Variants in PKD1L1 observed in about 807,000 individuals in gnomAD.
PKD1L1 encodes the protein polycystin 1 like 1, transient receptor potential channel interacting, also known as polycystin-1-like protein 1.
A neutral mutation model predicts 323.4 loss-of-function variants in PKD1L1; 236 were observed. The observed-to-expected ratio is 0.73, with a 90% CI of 0.66 to 0.81. The LOEUF (loss-of-function observed/expected upper bound fraction) is 0.81. Ranked by LOEUF, PKD1L1 falls within the 40% of genes least tolerant of loss-of-function variation. The pLI is 0.00. For synonymous variants in PKD1L1, 1,344 were observed against 1,335.0 expected (o/e 1.01, Z -0.15); for missense variants, 3,320 against 3,508.0 (o/e 0.95, Z 1.35).
intron 21 of PKD1L1, among the ~76,000 whole-genome samples, chr7:47,879,656 A>G (rs113617779): frequency 0.27 from 28,483 of 105,406 alleles, 6,570 homozygotes; most frequent in African/African-American, 0.49. Context: ...AAAAAAGGCC[A>G]GGCACGGTGG....
At chr7:47,914,818 C>A (rs529691219) in intron 8 of PKD1L1, among the ~76,000 whole-genome samples, 1 of 151,814 alleles carries the variant, frequency 6.6e-6, no homozygotes, top group Non-Finnish European at 1.5e-5. Context: ...ATGAGGACCA[C>A]GGAAAAGGGT....
At chr7:47,927,982 C>A (rs764692535) in intron 7 of PKD1L1, among the ~76,000 whole-genome samples, 7 of 152,176 alleles carry the variant, frequency 4.6e-5, no homozygotes, top group Non-Finnish European at 1.0e-4. Context: ...ATGGACTACT[C>A]AGCAACCACA....
chr7:47,893,598 C>T (rs1405945165), intron 15 of PKD1L1, among the ~76,000 whole-genome samples: 1 of 152,168 alleles, frequency 6.6e-6, no homozygotes, highest in Non-Finnish European at 1.5e-5. Context: ...CCACACACCA[C>T]GGCATCTCAC....
At chr7:47,884,161 G>A (rs1176681541) in intron 19 of PKD1L1, among the ~76,000 whole-genome samples, 1 of 150,502 alleles carries the variant, frequency 6.6e-6, no homozygotes, top group Non-Finnish European at 1.5e-5. Flanking sequence ...GTGTGTGTGT[G>A]TGTGTTTTGG....
At chr7:47,914,935 G>A (rs1787397373) in intron 8 of PKD1L1, among the ~76,000 whole-genome samples, 1 of 152,182 alleles carries the variant, frequency 6.6e-6, no homozygotes, top group African/African-American at 2.4e-5. Flanking sequence ...CAGCCATGCT[G>A]CTCCTAACAC....
intron 6 of PKD1L1, among the ~76,000 whole-genome samples, chr7:47,930,748 G>A (rs1394267911): frequency 3.3e-5 from 5 of 152,072 alleles, no homozygotes; most frequent in African/African-American, 1.2e-4. Context: ...CCGGGAGGCG[G>A]AGGTTGCAGT....
chr7:47,800,082 C>T (rs1309032264), intron 54 of PKD1L1, among the ~76,000 whole-genome samples: 2 of 152,194 alleles, frequency 1.3e-5, no homozygotes, highest in Non-Finnish European at 2.9e-5. Context: ...TTTGCTAAAT[C>T]TGTTGACCCC....
chr7:47,918,695 G>A (rs149433378), intron 7 of PKD1L1, among the ~76,000 whole-genome samples: 103 of 152,092 alleles, frequency 6.8e-4, no homozygotes, highest in African/African-American at 2.3e-3. Context: ...GAATAAAACT[G>A]GAAATCAACT....
rs556211438 is a variant in PKD1L1, at chr7:47,920,304, A to C, written c.1061-4705T>G. On this transcript the variant is annotated intron_variant, in intron 7 of 56. Transcript: ENST00000289672. Reference sequence around the variant, plus strand: ...CAAAACAAACAAACAAAAACAAAAAAAAAAAACCACTTAGGAATATACCTA... The same window carrying C: ...CAAAACAAACAAACAAAAACAAAAACAAAAAACCACTTAGGAATATACCTA... Among the ~76,000 whole-genome samples the C allele has an allele frequency of 4.7e-4, 72 of 151,686 alleles. 1 individual carries two copies. The South Asian group carries it at 6.2e-3, about 13-fold the overall frequency.
At chr7:47,835,719 T>C (rs1785443691) in intron 37 of PKD1L1, among the ~76,000 whole-genome samples, 1 of 152,098 alleles carries the variant, frequency 6.6e-6, no homozygotes, top group African/African-American at 2.4e-5. Flanking sequence ...ATTTAAATAA[T>C]GCTTCATGTT....
chr7:47,917,524 T>C lies in PKD1L1; in HGVS notation c.1061-1925A>G, dbSNP rs537854731. ...ACAAAAAGATCATTGCCTAGGCACATTGTCATTGAGTTATCTAAAGTTAAG... is the reference window on the plus strand; with the variant it reads ...ACAAAAAGATCATTGCCTAGGCACACTGTCATTGAGTTATCTAAAGTTAAG... On this transcript the variant is annotated intron_variant, in intron 7 of 56. Coordinates refer to ENST00000289672, the MANE Select transcript of PKD1L1 (RefSeq NM_138295.5). Among the ~76,000 whole-genome samples the C allele has an allele frequency of 7.5e-4, 114 of 152,294 alleles. 4 individuals carry two copies. The South Asian group carries it at 0.02, about 27-fold the overall frequency.
intron 25 of PKD1L1, 131 bp from the exon 26 acceptor site, chr7:47,865,403 T>A: frequency 2.7e-6 from 2 of 728,048 alleles, no homozygotes; most frequent in Admixed American, 5.4e-5. Flanking sequence ...AAAAGACCAA[T>A]TGGAGGCCAG....
chr7:47,809,311 C>A (rs572284053), intron 51 of PKD1L1, 162 bp downstream of exon 51: 84 of 582,252 alleles, frequency 1.4e-4, no homozygotes, highest in African/African-American at 1.4e-3. Context: ...CTAAATGATA[C>A]CTGATCTCAA....
chr7:47,934,105 A>G, intron 4 of PKD1L1, among the ~76,000 whole-genome samples: 1 of 152,212 alleles, frequency 6.6e-6, no homozygotes, highest in East Asian at 1.9e-4. Flanking sequence ...TTTATAGGTT[A>G]GGTATACTAT....
At position 47,779,475 on chromosome 7, in the gene PKD1L1, A is replaced by T. The variant is rs146555863; in HGVS notation, c.8527-4309T>A. 6.9e-3 allele frequency among the ~76,000 whole-genome samples: 1,058 copies of T among 152,338 alleles called. 9 individuals are homozygous for T. The highest frequency in any genetic ancestry group is 0.012 in the Admixed American group (178 of 15,292). The stretch of plus-strand genomic sequence containing the variant: ...TGGGAGTAGGCCATAACTCAGGCTC[A>T]GCTCCTGTATCTCTGTGTCTTGGTC... On this transcript the variant is annotated intron_variant, in intron 56 of 56. Transcript: ENST00000289672.
At chr7:47,932,684 T>TCGG (rs1279065840) in intron 4 of PKD1L1, among the ~76,000 whole-genome samples, 19 of 152,174 alleles carry the variant, frequency 1.2e-4, no homozygotes, top group African/African-American at 4.8e-5. Context: ...GGTTCCTTTC[T>TCGG]CGGCGGCGGC....
chr7:47,809,638 G>T (rs1321913012), intron 50 of PKD1L1, 61 bp from the exon 51 acceptor site: 2 of 1,283,556 alleles, frequency 1.6e-6, no homozygotes, highest in Middle Eastern at 1.9e-4. Context: ...GTTTTTTGAA[G>T]GTCTAAACAT....
At chr7:47,797,734 A>G (rs1784574307) in intron 54 of PKD1L1, among the ~76,000 whole-genome samples, 1 of 152,182 alleles carries the variant, frequency 6.6e-6, no homozygotes, top group Non-Finnish European at 1.5e-5. Flanking sequence ...TGCTGCTCTC[A>G]GCAGTCATCA....
chr7:47,790,155 C>T (rs577517998), intron 56 of PKD1L1, among the ~76,000 whole-genome samples: 1 of 152,038 alleles, frequency 6.6e-6, no homozygotes, highest in South Asian at 2.1e-4. Flanking sequence ...TCCCGAAGTG[C>T]TATGATTACG....
Sources: gnomAD v4.1 joint callset for allele counts (sites outside exome capture counted in the v4.1 genomes callset) on GRCh38, gnomAD v4.1.1 for gene constraint, MANE v1.5 for transcripts, NCBI Gene and HGNC (gene_info 2026-07-23, HGNC 2026-07-21) for gene names.